The following NDUFS1 variants were observed in gnomAD, a reference collection of about 807,000 sequenced individuals.
NDUFS1 encodes the protein NADH:ubiquinone oxidoreductase core subunit S1.
A neutral mutation model predicts 84.4 loss-of-function variants in NDUFS1; 61 were observed. The ratio of observed to expected loss-of-function variants is 0.72; its 90% CI spans 0.59 to 0.89. The LOEUF is 0.89. Ranked by LOEUF, NDUFS1 falls within the 40% of genes least tolerant of loss-of-function variation. The pLI is 0.00. For missense variants in NDUFS1, 891 were observed against 890.0 expected, an observed-to-expected ratio of 1.00 and a Z score of -0.01; for synonymous variants, 275 against 290.0, an observed-to-expected ratio of 0.95 and a Z score of 0.53.
In NDUFS1 at chr2:206,121,456, A is replaced by T. The variant is rs938604541; in HGVS notation, c.*2729T>A. The T allele has an allele frequency of 6.6e-6, 1 of 151,988 alleles. No homozygotes were observed. The highest frequency in any genetic ancestry group is 2.4e-5 in the African/African-American group (1 of 41,364). 9.4% of individuals were successfully genotyped at this position (151,988 alleles called of 1,614,324 possible). A position where few individuals can be genotyped will look rare whatever the true frequency, so the allele number is the denominator to read the frequency against. ...CAGAGGAGGTATTATTTATTTATTTATTTATTTTTTGAGAGGGAGGCTTGT... is the reference window on the plus strand; with the variant it reads ...CAGAGGAGGTATTATTTATTTATTTTTTTATTTTTTGAGAGGGAGGCTTGT... On this transcript the variant is annotated 3_prime_UTR_variant, in exon 19 of 19. Transcript: ENST00000233190.
At chr2:206,138,095 G>C (rs897181013) in intron 13 of NDUFS1, among the ~76,000 whole-genome samples, 2 of 152,086 alleles carry the variant, frequency 1.3e-5, no homozygotes, top group African/African-American at 4.8e-5. Flanking sequence ...ATTGGTGTAA[G>C]TTTTTTTGGG....
chr2:206,133,108 A>G lies in NDUFS1; in HGVS notation c.1393-3T>C. 6.3e-7 allele frequency: 1 copy of G among 1,591,494 alleles called. No homozygotes were observed. Among genetic ancestry groups the G allele is most frequent in the Non-Finnish European group, 8.6e-7 (1 of 1,168,322 alleles). ...GGTTTTTTAGCTTCCTTTAGGACCT[A>G]TTTAAAAAAAAAAACAACTTTGATT... On this transcript the variant is annotated splice_region_variant and splice_polypyrimidine_tract_variant and intron_variant, in intron 13 of 18. Transcript: ENST00000233190.
At chr2:206,154,585 C>T (rs141327796) in intron 1 of NDUFS1, among the ~76,000 whole-genome samples, 129 of 152,298 alleles carry the variant, frequency 8.5e-4, no homozygotes, top group African/African-American at 3.0e-3. Context: ...CTTAAAGACA[C>T]ACAAAACAGA....
intron 14 of NDUFS1, among the ~76,000 whole-genome samples, chr2:206,131,721 T>A (rs1226984565): frequency 6.6e-6 from 1 of 152,104 alleles, no homozygotes; most frequent in Non-Finnish European, 1.5e-5. Flanking sequence ...GCAGATCGCC[T>A]GAGGTCAGGA....
At chr2:206,124,742 G>C (rs1048994974) in intron 18 of NDUFS1, among the ~76,000 whole-genome samples, 2 of 152,060 alleles carry the variant, frequency 1.3e-5, no homozygotes, top group African/African-American at 4.8e-5. Flanking sequence ...GGGAGTCTGA[G>C]GCAGGAGAAT....
At chr2:206,130,390 T>G in intron 14 of NDUFS1, 148 bp from the exon 15 acceptor site, 1 of 1,065,706 alleles carries the variant, frequency 9.4e-7, no homozygotes, top group East Asian at 2.6e-5. Context: ...AGTCTCACTT[T>G]GTCGCCCAGG....
At position 206,123,053 on chromosome 2, in the gene NDUFS1, TTATC is replaced by T. The variant is rs1691150174; in HGVS notation, c.*1128_*1131del. On this transcript the variant is annotated 3_prime_UTR_variant, in exon 19 of 19. Coordinates refer to ENST00000233190, the MANE Select transcript of NDUFS1 (RefSeq NM_005006.7). ...CCCAACCTTAGATTAAAAAAAAAAA[TTATC>T]TATTTTTAATTATCTCCTAATTGTA... is the stretch of plus-strand genomic sequence containing the variant. 6.6e-6 allele frequency: 1 copy of T among 152,024 alleles called. No individual in the cohort carries two copies. Among genetic ancestry groups the T allele is most frequent in the Non-Finnish European group, 1.5e-5 (1 of 68,002 alleles). 9.4% of individuals were successfully genotyped at this position (152,024 alleles called of 1,614,324 possible).
chr2:206,118,991 G>C lies in NDUFS1; in HGVS notation c.*5194C>G, dbSNP rs1049703043. The C allele has an allele frequency of 2.0e-5, 3 of 152,202 alleles. No homozygotes were observed. The highest frequency in any genetic ancestry group is 7.2e-5 in the African/African-American group (3 of 41,386). The allele number at this position is 152,202 out of a possible 1,614,324, so 9.4% of individuals were successfully genotyped here. ...TAGTCCCAGCTACTCAGGAGGCTGA[G>C]GCAGGAGGATCGCTTGAACCCAGGA... On this transcript the variant is annotated 3_prime_UTR_variant, in exon 19 of 19. Transcript: ENST00000233190.
intron 9 of NDUFS1, among the ~76,000 whole-genome samples, chr2:206,144,577 G>A (rs1692087315): frequency 6.6e-6 from 1 of 152,156 alleles, no homozygotes; most frequent in African/African-American, 2.4e-5. Context: ...AAAGTGCTGG[G>A]ATTACAGGTG....
chr2:206,127,071 G>A (rs557662641), intron 16 of NDUFS1, among the ~76,000 whole-genome samples: 50 of 152,266 alleles, frequency 3.3e-4, no homozygotes, highest in African/African-American at 1.1e-3. Flanking sequence ...ATGAAATGAA[G>A]AGACAATACT....
At chr2:206,143,911 T>C (rs1692058919) in intron 10 of NDUFS1, 107 bp downstream of exon 10, 2 of 893,590 alleles carry the variant, frequency 2.2e-6, no homozygotes, top group Non-Finnish European at 3.6e-6. Flanking sequence ...TAAATCATAA[T>C]CTTGGTAAAA....
intron 15 of NDUFS1, 152 bp downstream of exon 15, chr2:206,129,936 C>G: frequency 1.2e-6 from 1 of 812,724 alleles, no homozygotes; most frequent in Middle Eastern, 3.6e-4. Flanking sequence ...ACTAATAACA[C>G]TTGTGGTTTG....
chr2:206,138,456 A>G lies in NDUFS1; in HGVS notation c.1392+29T>C, dbSNP rs372476688. The G allele has an allele frequency of 1.9e-6, 3 of 1,600,560 alleles. No individual in the cohort carries two copies. In the African/African-American group the frequency reaches 4.0e-5, roughly 21 times the overall value. ...TAAATAATAATAATTAAAAATCAAC[A>G]AGAGTAGATACACATAAGTTGAGAG... On this transcript the variant is annotated intron_variant, in intron 13 of 18. Coordinates refer to ENST00000233190, the MANE Select transcript of NDUFS1 (RefSeq NM_005006.7).
At position 206,153,611 on chromosome 2, in the gene NDUFS1, T is replaced by C. The variant is rs1559066129; in HGVS notation, c.61+7A>G. On this transcript the variant is annotated splice_region_variant and intron_variant, in intron 2 of 18. Transcript: ENST00000233190. ...ATCCACGAATGCAAATTTAAGAAAATACTCACCACATCCTTTAGGAGACTT... is the reference window on the plus strand; with the variant it reads ...ATCCACGAATGCAAATTTAAGAAAACACTCACCACATCCTTTAGGAGACTT... 3 of 1,510,970 alleles carry C rather than the reference T, an allele frequency of 2.0e-6. No individual in the cohort carries two copies. The highest frequency in any genetic ancestry group is 4.5e-5 in the East Asian group (2 of 44,296). 93.6% of individuals were successfully genotyped at this position (1,510,970 alleles called of 1,614,324 possible). A position where few individuals can be genotyped will look rare whatever the true frequency, so the allele number is the denominator to read the frequency against.
chr2:206,116,665 CGCCTGGGCCCAGGGGTTCAAGACGA>C lies in NDUFS1; in HGVS notation c.*7495_*7519del. 2.5e-6 allele frequency: 1 copy of C among 403,262 alleles called. No individual in the cohort carries two copies. The highest frequency in any genetic ancestry group is 2.5e-5 in the South Asian group (1 of 40,246). 25.0% of individuals were successfully genotyped at this position (403,262 alleles called of 1,614,324 possible). ...CTTTGGGAGGTCAAGGTGGGAGGAG[CGCCTGGGCCCAGGGGTTCAAGACGA>C]GCCTGGGCAACATAGTGAGACCTGT... is the stretch of plus-strand genomic sequence containing the variant. On this transcript the variant is annotated 3_prime_UTR_variant, in exon 19 of 19. Coordinates refer to ENST00000233190, the MANE Select transcript of NDUFS1 (RefSeq NM_005006.7).
In NDUFS1 at chr2:206,122,650, G is replaced by T. The variant is rs943423206; in HGVS notation, c.*1535C>A. The T allele has an allele frequency of 2.0e-5, 2 of 100,164 alleles. No individual in the cohort carries two copies. Among genetic ancestry groups the T allele is most frequent in the Non-Finnish European group, 4.0e-5 (2 of 50,586 alleles). 6.2% of individuals were successfully genotyped at this position (100,164 alleles called of 1,614,324 possible). A position where few individuals can be genotyped will look rare whatever the true frequency, so the allele number is the denominator to read the frequency against. ...ATCTCAAAAAAAAAAAAAAAACAAA[G>T]GGAAAAAGGGCATCCTATACTTGGG... On this transcript the variant is annotated 3_prime_UTR_variant, in exon 19 of 19. Coordinates refer to ENST00000233190, the MANE Select transcript of NDUFS1 (RefSeq NM_005006.7).
chr2:206,152,460 C>G lies in NDUFS1; in HGVS notation c.112G>C (p.Gly38Arg). 1.2e-6 allele frequency: 2 copies of G among 1,614,056 alleles called. No individual in the cohort carries two copies. The highest frequency in any genetic ancestry group is 2.2e-5 in the South Asian group (2 of 91,078). The change falls in exon 3 of 19, where the codon GGT becomes CGT. Residue 38 changes from glycine to arginine, a missense_variant. Physicochemically the swap from Gly to Arg is moderately radical, Grantham distance 125. Coordinates refer to ENST00000233190, the MANE Select transcript of NDUFS1 (RefSeq NM_005006.7). Reference sequence around the variant, plus strand: ...CCCGGTTCCACCATGACAGACTGACCATCAACAAATACTTCAATCAAGTTG... The same window carrying G: ...CCCGGTTCCACCATGACAGACTGACGATCAACAAATACTTCAATCAAGTTG... ...ASNLIEVFVDGQSVMVEPGTT... is the reference protein window; with the variant it reads ...ASNLIEVFVDRQSVMVEPGTT...
At position 206,116,400 on chromosome 2, in the gene NDUFS1, C is replaced by G; in HGVS notation, c.*7785G>C. Reference sequence around the variant, plus strand: ...TTACAGTAACCAGACGGCGCCCATCCCAAGCTGCCAGGGCCTCGATAGGCA... The same window carrying G: ...TTACAGTAACCAGACGGCGCCCATCGCAAGCTGCCAGGGCCTCGATAGGCA... On this transcript the variant is annotated 3_prime_UTR_variant, in exon 19 of 19. Coordinates refer to ENST00000233190, the MANE Select transcript of NDUFS1 (RefSeq NM_005006.7). 1 of 811,664 alleles carries G rather than the reference C, an allele frequency of 1.2e-6. No individual in the cohort carries two copies. Among genetic ancestry groups the G allele is most frequent in the Non-Finnish European group, 2.1e-6 (1 of 471,986 alleles). 50.3% of individuals were successfully genotyped at this position (811,664 alleles called of 1,614,324 possible).
intron 14 of NDUFS1, among the ~76,000 whole-genome samples, chr2:206,131,359 T>A (rs977029530): frequency 2.0e-5 from 3 of 152,244 alleles, no homozygotes. Context: ...ATTCATGATA[T>A]CAATTAGCCA....
Sources: allele counts gnomAD v4.1 joint callset (sites outside exome capture counted in the v4.1 genomes callset), GRCh38; gene constraint gnomAD v4.1.1; transcripts MANE v1.5; gene names NCBI Gene and HGNC (gene_info 2026-07-23, HGNC 2026-07-21).